Variants in ADAMTS12 observed in about 807,000 individuals in gnomAD.
ADAMTS12 encodes the protein ADAM metallopeptidase with thrombospondin type 1 motif 12.
In ADAMTS12, 118 loss-of-function variants were observed where a neutral mutation model predicts 167.8. The ratio of observed to expected loss-of-function variants is 0.70; its 90% CI spans 0.61 to 0.82. The LOEUF (loss-of-function observed/expected upper bound fraction) is 0.82. Ranked by LOEUF, ADAMTS12 falls within the 40% of genes least tolerant of loss-of-function variation. ADAMTS12 has a pLI of 0.00. For missense variants in ADAMTS12, 1,916 were observed against 1,998.8 expected, an observed-to-expected ratio of 0.96 and a Z score of 0.79; for synonymous variants, 704 against 716.9, an observed-to-expected ratio of 0.98 and a Z score of 0.29.
intron 13 of ADAMTS12, among the ~76,000 whole-genome samples, chr5:33,626,896 T>C (rs1739666096): frequency 1.4e-5 from 2 of 146,986 alleles, no homozygotes; most frequent in Admixed American, 1.3e-4. Flanking sequence ...GATGGTGATT[T>C]GATGGTGGTG....
chr5:33,757,974 G>A (rs1047451229), intron 2 of ADAMTS12, among the ~76,000 whole-genome samples: 8 of 152,118 alleles, frequency 5.3e-5, no homozygotes, highest in Non-Finnish European at 1.2e-4. Context: ...CCATCTGCTT[G>A]ACTCATCTCT....
intron 7 of ADAMTS12, among the ~76,000 whole-genome samples, chr5:33,651,746 A>G (rs1477268503): frequency 2.0e-5 from 3 of 152,148 alleles, no homozygotes; most frequent in Non-Finnish European, 4.4e-5. Flanking sequence ...CTATCACCCA[A>G]ATGGTGAACG....
chr5:33,659,699 C>A (rs1381172944), intron 6 of ADAMTS12, among the ~76,000 whole-genome samples: 1 of 152,218 alleles, frequency 6.6e-6, no homozygotes, highest in Non-Finnish European at 1.5e-5. Context: ...AGAAAATATG[C>A]CTTGGCTTGC....
At chr5:33,577,869 G>A (rs889996858) in intron 18 of ADAMTS12, among the ~76,000 whole-genome samples, 8 of 152,110 alleles carry the variant, frequency 5.3e-5, no homozygotes, top group African/African-American at 1.9e-4. Flanking sequence ...CCTCCCCAAT[G>A]TTCCCTCCAC....
intron 3 of ADAMTS12, among the ~76,000 whole-genome samples, chr5:33,750,239 A>G (rs1002484999): frequency 6.6e-6 from 1 of 152,246 alleles, no homozygotes; most frequent in Non-Finnish European, 1.5e-5. Flanking sequence ...CTAATTTAGA[A>G]TAAAGCTGTA....
intron 20 of ADAMTS12, among the ~76,000 whole-genome samples, chr5:33,554,800 A>C (rs1176051291): frequency 6.6e-6 from 1 of 152,226 alleles, no homozygotes. Flanking sequence ...ATAAACATGG[A>C]GACAAGAACT....
chr5:33,558,986 A>G (rs1032883094), intron 20 of ADAMTS12, among the ~76,000 whole-genome samples: 2 of 152,164 alleles, frequency 1.3e-5, no homozygotes, highest in African/African-American at 2.4e-5. Flanking sequence ...CTCTCTTCCA[A>G]AGACCAGAGC....
chr5:33,885,669 G>A (rs972243817), intron 1 of ADAMTS12, among the ~76,000 whole-genome samples: 2 of 152,158 alleles, frequency 1.3e-5, no homozygotes, highest in Non-Finnish European at 1.5e-5. Context: ...GATCACTCCC[G>A]ATGCCCTGCT....
At chr5:33,557,278 A>C (rs1368234714) in intron 20 of ADAMTS12, among the ~76,000 whole-genome samples, 4 of 152,152 alleles carry the variant, frequency 2.6e-5, no homozygotes, top group Non-Finnish European at 5.9e-5. Flanking sequence ...GTAAAATTAG[A>C]ATTTTTCTTT....
chr5:33,782,891 G>C (rs1209092249), intron 2 of ADAMTS12, among the ~76,000 whole-genome samples: 1 of 151,972 alleles, frequency 6.6e-6, no homozygotes, highest in African/African-American at 2.4e-5. Context: ...CAAAAATCAA[G>C]AAGGATTTAG....
At chr5:33,660,054 G>A (rs537814531) in intron 6 of ADAMTS12, among the ~76,000 whole-genome samples, 1 of 152,274 alleles carries the variant, frequency 6.6e-6, no homozygotes, top group African/African-American at 2.4e-5. Flanking sequence ...GCACAAGATA[G>A]GCCCAACGAC....
rs66523760 is a variant in ADAMTS12, at chr5:33,676,707, CAGAG to C, written c.915+6307_915+6310del. On this transcript the variant is annotated intron_variant, in intron 5 of 23. Coordinates refer to ENST00000504830, the MANE Select transcript of ADAMTS12 (RefSeq NM_030955.4). ...TTACACACACACACACACACACACA[CAGAG>C]AGAGAGAGAGAGAGAGAGAATAAGT... Among the ~76,000 whole-genome samples, 528 of 149,050 alleles carry C rather than the reference CAGAG, an allele frequency of 3.5e-3. 1 individual carries two copies. The highest frequency in any genetic ancestry group is 5.1e-3 in the Non-Finnish European group (345 of 67,246).
chr5:33,524,074 A>C lies in ADAMTS12; in HGVS notation c.*3114T>G, dbSNP rs752288857. 3 of 152,318 alleles carry C rather than the reference A, an allele frequency of 2.0e-5. No homozygotes were observed. The highest frequency in any genetic ancestry group is 4.4e-5 in the Non-Finnish European group (3 of 68,040). 9.4% of individuals were successfully genotyped at this position (152,318 alleles called of 1,614,324 possible). A position where few individuals can be genotyped will look rare whatever the true frequency, so the allele number is the denominator to read the frequency against. ...CACATTGTGTTTCAGATACTGGATGAAGGTTATCAGAAACATTCACTGACT... is the reference window on the plus strand; with the variant it reads ...CACATTGTGTTTCAGATACTGGATGCAGGTTATCAGAAACATTCACTGACT... On this transcript the variant is annotated 3_prime_UTR_variant, in exon 24 of 24. Transcript: ENST00000504830.
chr5:33,534,752 T>A lies in ADAMTS12; in HGVS notation c.4606+81A>T. Reference sequence around the variant, plus strand: ...GATTTTCTATTCAGTAAAAGAAATGTAAAGCTATCTACAAGTTGTATCATG... The same window carrying A: ...GATTTTCTATTCAGTAAAAGAAATGAAAAGCTATCTACAAGTTGTATCATG... On this transcript the variant is annotated intron_variant, in intron 23 of 23. Coordinates refer to ENST00000504830, the MANE Select transcript of ADAMTS12 (RefSeq NM_030955.4). 4.0e-6 allele frequency: 6 copies of A among 1,496,092 alleles called. No homozygotes were observed. In the Admixed American group the frequency reaches 9.5e-5, roughly 24 times the overall value. 92.7% of individuals were successfully genotyped at this position (1,496,092 alleles called of 1,614,324 possible). A position where few individuals can be genotyped will look rare whatever the true frequency, so the allele number is the denominator to read the frequency against.
Position 33,812,808 on chromosome 5 carries a change from A to G in ADAMTS12, c.490-61260T>C, listed in dbSNP as rs1015285160. ...ATTAGGCTTGTTTTCAATTTGGACT[A>G]TTACTGATACTGCTGCCATGAGCTC... is the stretch of plus-strand genomic sequence containing the variant. On this transcript the variant is annotated intron_variant, in intron 2 of 23. Transcript: ENST00000504830. Among the ~76,000 whole-genome samples the G allele has an allele frequency of 7.9e-5, 12 of 152,326 alleles. 1 individual carries two copies. Among genetic ancestry groups the G allele is most frequent in the East Asian group, 1.9e-4 (1 of 5,190 alleles).
intron 2 of ADAMTS12, among the ~76,000 whole-genome samples, chr5:33,878,563 T>A (rs995100167): frequency 7.9e-5 from 12 of 152,212 alleles, no homozygotes; most frequent in African/African-American, 2.7e-4. Context: ...ATATGCAATT[T>A]CCCTTAGAAA....
chr5:33,547,629 A>T (rs1408672110), intron 21 of ADAMTS12, among the ~76,000 whole-genome samples: 1 of 152,138 alleles, frequency 6.6e-6, no homozygotes, highest in Non-Finnish European at 1.5e-5. Flanking sequence ...CTTAAGAGGG[A>T]ACTCTACCAA....
At chr5:33,762,369 G>A (rs564926786) in intron 2 of ADAMTS12, among the ~76,000 whole-genome samples, 10 of 151,904 alleles carry the variant, frequency 6.6e-5, no homozygotes, top group Non-Finnish European at 1.3e-4. Flanking sequence ...TTAGCGGGGC[G>A]TGGTGGCGGG....
chr5:33,592,962 G>A (rs1290086026), intron 17 of ADAMTS12, among the ~76,000 whole-genome samples: 8 of 152,232 alleles, frequency 5.3e-5, no homozygotes, highest in Admixed American at 3.3e-4. Flanking sequence ...AATAATATTA[G>A]TTTATTATTT....
Sources: gnomAD v4.1 joint callset for allele counts (sites outside exome capture counted in the v4.1 genomes callset) on GRCh38, gnomAD v4.1.1 for gene constraint, MANE v1.5 for transcripts, NCBI Gene and HGNC (gene_info 2026-07-23, HGNC 2026-07-21) for gene names.